Variants in OLA1 observed in about 807,000 individuals in gnomAD.
The protein encoded by OLA1 is Obg like ATPase 1, also known as obg-like ATPase 1.
In OLA1, 14 loss-of-function variants were observed where a neutral mutation model predicts 48.4. The ratio of observed to expected loss-of-function variants is 0.29; its 90% CI spans 0.19 to 0.45. The LOEUF (loss-of-function observed/expected upper bound fraction) is 0.45, where lower values mean the gene tolerates loss of function less well. Among genes scored for constraint, OLA1 ranks in the 20% least tolerant of loss-of-function variants. The pLI is 1.00. For synonymous variants in OLA1, 127 were observed against 150.4 expected (o/e 0.84, Z 1.14); for missense variants, 325 against 467.1 (o/e 0.70, Z 2.80).
intron 4 of OLA1, among the ~76,000 whole-genome samples, chr2:174,213,629 A>C (rs1469538341): frequency 6.6e-6 from 1 of 152,174 alleles, no homozygotes; most frequent in Non-Finnish European, 1.5e-5. Context: ...CTAGAGAAAA[A>C]GTTAGTGGTT....
chr2:174,165,825 A>G (rs895431746), intron 4 of OLA1, among the ~76,000 whole-genome samples: 12 of 152,192 alleles, frequency 7.9e-5, no homozygotes, highest in African/African-American at 2.2e-4. Context: ...TTTACCATTC[A>G]TAACTCAAAT....
At chr2:174,195,315 A>T (rs532895197) in intron 4 of OLA1, among the ~76,000 whole-genome samples, 10 of 152,022 alleles carry the variant, frequency 6.6e-5, no homozygotes, top group Non-Finnish European at 8.8e-5. Context: ...GCATGAAAAA[A>T]TTTTTTTTAA....
chr2:174,236,345 C>A (rs1688851203), intron 2 of OLA1, among the ~76,000 whole-genome samples: 1 of 151,532 alleles, frequency 6.6e-6, no homozygotes, highest in Admixed American at 6.6e-5. Flanking sequence ...CACATAATAT[C>A]CAAATAAAAT....
At chr2:174,155,122 T>C (rs909713912) in intron 4 of OLA1, among the ~76,000 whole-genome samples, 3 of 152,182 alleles carry the variant, frequency 2.0e-5, no homozygotes, top group Non-Finnish European at 4.4e-5. Flanking sequence ...CTATAGCATG[T>C]ACATCTAGTG....
intron 2 of OLA1, 130 bp downstream of exon 2, chr2:174,246,585 A>C (rs1253727711): frequency 1.5e-6 from 1 of 657,572 alleles, no homozygotes; most frequent in East Asian, 2.6e-5. Context: ...TAATTTTGCA[A>C]TATTAATAGT....
chr2:174,098,179 T>C (rs1685303622), intron 7 of OLA1, among the ~76,000 whole-genome samples: 1 of 152,190 alleles, frequency 6.6e-6, no homozygotes, highest in Non-Finnish European at 1.5e-5. Context: ...TTGACATATA[T>C]TTTCAGTGGA....
intron 4 of OLA1, among the ~76,000 whole-genome samples, chr2:174,147,893 A>G (rs1686649224): frequency 2.6e-5 from 4 of 152,098 alleles, no homozygotes; most frequent in Admixed American, 2.6e-4. Context: ...GTGGGATCTC[A>G]GCTCACTGCA....
chr2:174,229,164 G>T, intron 3 of OLA1, 144 bp downstream of exon 3: 2 of 811,036 alleles, frequency 2.5e-6, no homozygotes, highest in Non-Finnish European at 3.9e-6. Flanking sequence ...GTGAGCCACC[G>T]CACCCAGCCC....
intron 4 of OLA1, among the ~76,000 whole-genome samples, chr2:174,191,571 C>A (rs769183079): frequency 6.6e-6 from 1 of 152,078 alleles, no homozygotes; most frequent in Non-Finnish European, 1.5e-5. Flanking sequence ...CTTCCCGCCT[C>A]AGCCCACTGA....
At chr2:174,137,427 T>C (rs1212874724) in intron 5 of OLA1, among the ~76,000 whole-genome samples, 2 of 152,240 alleles carry the variant, frequency 1.3e-5, no homozygotes, top group African/African-American at 2.4e-5. Context: ...TAATAAGCAT[T>C]GGTTTCAACT....
chr2:174,197,933 T>C (rs989631037), intron 4 of OLA1, among the ~76,000 whole-genome samples: 9 of 152,262 alleles, frequency 5.9e-5, no homozygotes, highest in Admixed American at 3.3e-4. Context: ...AATGATCACG[T>C]AGCTGAAAGC....
chr2:174,135,395 G>C (rs1300907580), intron 5 of OLA1, among the ~76,000 whole-genome samples: 1 of 152,148 alleles, frequency 6.6e-6, no homozygotes, highest in Non-Finnish European at 1.5e-5. Context: ...GGAATAACAT[G>C]ATTAGTTCTT....
In OLA1 at chr2:174,072,983, G is replaced by A. The variant is rs1385151745; in HGVS notation, c.*2443C>T. On this transcript the variant is annotated 3_prime_UTR_variant, in exon 11 of 11. Coordinates refer to ENST00000284719, the MANE Select transcript of OLA1 (RefSeq NM_013341.5). ...AAGCTTTGGGCACAAGCCTTCTCAA[G>A]TTTCTCTTTCTCTTTGGAGACAGGG... 1 of 152,170 alleles carries A rather than the reference G, an allele frequency of 6.6e-6. No individual in the cohort carries two copies. 9.4% of individuals were successfully genotyped at this position (152,170 alleles called of 1,614,324 possible).
chr2:174,181,688 G>A (rs1268699540), intron 4 of OLA1, among the ~76,000 whole-genome samples: 3 of 152,132 alleles, frequency 2.0e-5, no homozygotes, highest in Non-Finnish European at 4.4e-5. Flanking sequence ...CACGGCACTC[G>A]CATTTGCTGT....
intron 4 of OLA1, among the ~76,000 whole-genome samples, chr2:174,190,982 T>C (rs1687763853): frequency 7.0e-6 from 1 of 143,476 alleles, no homozygotes; most frequent in South Asian, 2.2e-4. Context: ...AAAGTAACTC[T>C]GGGTCAAAGG....
intron 4 of OLA1, among the ~76,000 whole-genome samples, chr2:174,213,994 A>T (rs1418035189): frequency 6.6e-6 from 1 of 151,538 alleles, no homozygotes; most frequent in Non-Finnish European, 1.5e-5. Context: ...TGAAATTTAA[A>T]ACCTACTTTC....
chr2:174,215,542 C>T (rs1243301754), intron 4 of OLA1, among the ~76,000 whole-genome samples: 1 of 151,590 alleles, frequency 6.6e-6, no homozygotes, highest in African/African-American at 2.4e-5. Context: ...AAACATGTAG[C>T]CTAGAAATAT....
chr2:174,224,514 T>C (rs1173376099), intron 3 of OLA1, among the ~76,000 whole-genome samples: 1 of 152,162 alleles, frequency 6.6e-6, no homozygotes, highest in Non-Finnish European at 1.5e-5. Flanking sequence ...CATACATCTG[T>C]AGTCCCAAGT....
At chr2:174,242,038 G>C (rs144784374) in intron 2 of OLA1, among the ~76,000 whole-genome samples, 1 of 152,236 alleles carries the variant, frequency 6.6e-6, no homozygotes, top group South Asian at 2.1e-4. Flanking sequence ...TCTGGACAAA[G>C]GGATGTTGGC....
Sources: allele counts gnomAD v4.1 joint callset (sites outside exome capture counted in the v4.1 genomes callset), GRCh38; gene constraint gnomAD v4.1.1; transcripts MANE v1.5; gene names NCBI Gene and HGNC (gene_info 2026-07-23, HGNC 2026-07-21).